Variants in ABCC4 observed in about 807,000 individuals in gnomAD.
The protein encoded by ABCC4 is ATP binding cassette subfamily C member 4 (PEL blood group).
Under a neutral mutation model 168.5 loss-of-function variants are expected in ABCC4, and 102 were observed. The ratio of observed to expected loss-of-function variants is 0.61; its 90% CI spans 0.52 to 0.71. The LOEUF (loss-of-function observed/expected upper bound fraction) is 0.71. Among genes scored for constraint, ABCC4 ranks in the 30% least tolerant of loss-of-function variants. The pLI is 0.00. For synonymous variants in ABCC4, 617 were observed against 590.7 expected (o/e 1.04, Z -0.65); for missense variants, 1,402 against 1,605.8 (o/e 0.87, Z 2.17).
chr13:95,123,757 C>T (rs746166437), intron 19 of ABCC4, among the ~76,000 whole-genome samples: 13 of 152,178 alleles, frequency 8.5e-5, no homozygotes, highest in South Asian at 2.1e-4. Context: ...TGAGCACACA[C>T]GCAGGTGGCA....
chr13:95,126,060 G>A (rs964333928), intron 19 of ABCC4, among the ~76,000 whole-genome samples: 2 of 152,178 alleles, frequency 1.3e-5, no homozygotes, highest in Non-Finnish European at 2.9e-5. Context: ...CCTAAACCAG[G>A]AACCACAGGA....
rs1489736644 is a variant in ABCC4 at position 95,112,361 on chromosome 13, AAAAG to A, written c.2535+3557_2535+3560del. 9.2e-5 allele frequency among the ~76,000 whole-genome samples: 14 copies of A among 152,260 alleles called. No homozygotes were observed. In the East Asian group the frequency reaches 2.5e-3, roughly 27 times the overall value. On this transcript the variant is annotated intron_variant, in intron 20 of 30. Transcript: ENST00000645237. ...GAGTGAGACCATCTCAAAAAAAAAAAAAAGAAAGTCACATGGATAAATGCAACTA... is the reference window on the plus strand; with the variant it reads ...GAGTGAGACCATCTCAAAAAAAAAAAAAAGTCACATGGATAAATGCAACTA...
chr13:95,254,585 G>T (rs866845729), intron 1 of ABCC4, among the ~76,000 whole-genome samples: 5 of 152,114 alleles, frequency 3.3e-5, no homozygotes, highest in Non-Finnish European at 5.9e-5. Flanking sequence ...CCCTTGCCCA[G>T]ATTTTCCAAA....
chr13:95,036,840 T>C (rs1318634113), intron 29 of ABCC4, among the ~76,000 whole-genome samples: 1 of 152,102 alleles, frequency 6.6e-6, no homozygotes, highest in East Asian at 1.9e-4. Flanking sequence ...TCCTAGCACT[T>C]TGGGAGGCCA....
chr13:95,064,297 T>TATATATATATACACAC (rs1555306881), intron 25 of ABCC4, among the ~76,000 whole-genome samples: 5 of 105,324 alleles, frequency 4.7e-5, no homozygotes, highest in Non-Finnish European at 6.0e-5. Flanking sequence ...TATATATATA[T>TATATATATATACACAC]ACACACACAC....
rs55973195 is a variant in ABCC4 at position 95,086,087 on chromosome 13, TTG to T, written c.2536-2799_2536-2798del. On this transcript the variant is annotated intron_variant, in intron 20 of 30. Transcript: ENST00000645237. ...CTGAATTCTCTAGTTTTTAAGGTTA[TTG>T]TGTGTGTGTGTGTGTGTGTGTGTGT... Among the ~76,000 whole-genome samples, 501 of 142,076 alleles carry T rather than the reference TTG, an allele frequency of 3.5e-3. 2 individuals are homozygous for T. The highest frequency in any genetic ancestry group is 0.011 in the African/African-American group (407 of 38,638). The allele number at this position is 142,076 out of a possible 152,430, so 93.2% of individuals were successfully genotyped here. A position where few individuals can be genotyped will look rare whatever the true frequency, so the allele number is the denominator to read the frequency against.
intron 19 of ABCC4, among the ~76,000 whole-genome samples, chr13:95,128,958 G>A (rs2035872287): frequency 6.6e-6 from 1 of 152,112 alleles, no homozygotes; most frequent in South Asian, 2.1e-4. Flanking sequence ...CAAGGAAAAC[G>A]GCCTAGCTCT....
intron 3 of ABCC4, 38 bp from the exon 4 acceptor site, chr13:95,234,872 C>G (rs1455269570): frequency 7.5e-7 from 1 of 1,336,226 alleles, no homozygotes. Flanking sequence ...ATTAGACATA[C>G]AGACCACACC....
chr13:95,061,820 G>A (rs151332989), intron 26 of ABCC4, among the ~76,000 whole-genome samples: 27 of 152,222 alleles, frequency 1.8e-4, no homozygotes, highest in East Asian at 9.6e-4. Flanking sequence ...ACCCCATGCC[G>A]GTGGGGACAA....
At chr13:95,165,491 G>C (rs1314569564) in intron 15 of ABCC4, among the ~76,000 whole-genome samples, 1 of 152,174 alleles carries the variant, frequency 6.6e-6, no homozygotes, top group Non-Finnish European at 1.5e-5. Context: ...TCTGCCCGGA[G>C]GACTTAGAAG....
intron 21 of ABCC4, among the ~76,000 whole-genome samples, chr13:95,080,551 G>A (rs76426018): frequency 0.065 from 9,911 of 152,106 alleles, 1,053 homozygotes; most frequent in African/African-American, 0.22. Flanking sequence ...TCAGCTCACT[G>A]CAACCTCCAC....
chr13:95,108,645 T>TC (rs896496506), intron 20 of ABCC4, among the ~76,000 whole-genome samples: 3 of 151,462 alleles, frequency 2.0e-5, no homozygotes, highest in Non-Finnish European at 4.4e-5. Context: ...TATTTTCTTT[T>TC]TTTTTTTTTT....
At chr13:95,185,914 C>T (rs981849835) in intron 11 of ABCC4, among the ~76,000 whole-genome samples, 2 of 151,910 alleles carry the variant, frequency 1.3e-5, no homozygotes, top group African/African-American at 4.8e-5. Context: ...TAATAAATTG[C>T]ACTGTAAATT....
rs1055140634 is a variant in ABCC4 at position 95,053,184 on chromosome 13, C to T, written c.3367G>A (p.Glu1123Lys). The change falls in exon 27 of 31, where the codon GAA (glutamate) becomes AAA (lysine). Residue 1123 changes from glutamate (E) to lysine (K), a missense_variant and splice_region_variant. Physicochemically the swap from Glu to Lys is moderately conservative, Grantham distance 56. Transcript: ENST00000645237. ...ATTGTTCCAGTGAACAAAACAGGTT[C>T]CTAAGTGCCCAAAATAGTCACGGTC... Reference protein sequence around the residue: ...LRKKMSIIPQEPVLFTGTMRK... With the variant: ...LRKKMSIIPQKPVLFTGTMRK... 3.0e-5 allele frequency: 48 copies of T among 1,613,570 alleles called. No homozygotes were observed. Among genetic ancestry groups the T allele is most frequent in the Non-Finnish European group, 3.9e-5 (46 of 1,179,656 alleles).
Position 95,094,176 on chromosome 13 carries a change from A to G in ABCC4, c.2536-10886T>C, listed in dbSNP as rs552127134. ...TCATTCTGCACAGAATTAAAAAAAA[A>G]AATTCTAAAATTCACATGGAACCAA... On this transcript the variant is annotated intron_variant, in intron 20 of 30. Transcript: ENST00000645237. Among the ~76,000 whole-genome samples the G allele has an allele frequency of 1.5e-4, 23 of 152,134 alleles. No homozygotes were observed. In the East Asian group the frequency reaches 4.4e-3, roughly 29 times the overall value.
intron 20 of ABCC4, among the ~76,000 whole-genome samples, chr13:95,102,029 G>A (rs954552676): frequency 1.3e-5 from 2 of 152,214 alleles, no homozygotes; most frequent in African/African-American, 4.8e-5. Flanking sequence ...CAGAGACGTA[G>A]CATGTGGCTT....
chr13:95,232,675 TC>T (rs1440126344), intron 4 of ABCC4, among the ~76,000 whole-genome samples: 2 of 113,522 alleles, frequency 1.8e-5, no homozygotes, highest in Non-Finnish European at 3.6e-5. Flanking sequence ...AGACTTCATC[TC>T]AAAAAAAAAA....
chr13:95,201,792 G>C (rs1458652547), intron 8 of ABCC4, among the ~76,000 whole-genome samples: 4 of 152,150 alleles, frequency 2.6e-5, no homozygotes, highest in Admixed American at 2.6e-4. Flanking sequence ...GGCCAACGTG[G>C]TGAAACCTTG....
intron 4 of ABCC4, among the ~76,000 whole-genome samples, chr13:95,229,458 G>A (rs116617961): frequency 1.3e-5 from 2 of 152,256 alleles, no homozygotes; most frequent in South Asian, 4.2e-4. Context: ...GCAGAGAGGA[G>A]CACCAGCAAG....
Sources: gnomAD v4.1 joint callset for allele counts (sites outside exome capture counted in the v4.1 genomes callset) on GRCh38, gnomAD v4.1.1 for gene constraint, MANE v1.5 for transcripts, NCBI Gene and HGNC (gene_info 2026-07-23, HGNC 2026-07-21) for gene names.